The following MYRIP variants were observed in gnomAD, a reference collection of about 807,000 sequenced individuals.
MYRIP encodes the protein myosin VIIA and Rab interacting protein.
MYRIP carries 49 observed loss-of-function variants against 98.0 expected under a neutral mutation model. That is an observed-to-expected ratio of 0.50 (90% CI 0.40 to 0.63). The LOEUF is 0.63. Ranked by LOEUF, MYRIP falls within the 30% of genes least tolerant of loss-of-function variation. MYRIP has a pLI of 0.00. For synonymous variants in MYRIP, 404 were observed against 409.5 expected, an observed-to-expected ratio of 0.99 and a Z score of 0.16; for missense variants, 1,004 against 1,058.2, an observed-to-expected ratio of 0.95 and a Z score of 0.71.
chr3:40,138,556 TA>T (rs1949829946), intron 3 of MYRIP, among the ~76,000 whole-genome samples: 1 of 152,232 alleles, frequency 6.6e-6, no homozygotes, highest in Admixed American at 6.5e-5. Flanking sequence ...ATCTAGTTTT[TA>T]AAAACTATTT....
intron 3 of MYRIP, among the ~76,000 whole-genome samples, chr3:40,073,364 C>A (rs150660231): frequency 1.3e-5 from 2 of 152,200 alleles, no homozygotes; most frequent in South Asian, 4.1e-4. Flanking sequence ...TTCTGCACTG[C>A]GGGTTTTTAT....
intron 1 of MYRIP, among the ~76,000 whole-genome samples, chr3:39,862,532 A>G (rs1209788097): frequency 3.3e-5 from 5 of 152,204 alleles, no homozygotes; most frequent in Non-Finnish European, 1.5e-5. Flanking sequence ...AAGCCACTAA[A>G]GACAAAAAAG....
intron 3 of MYRIP, among the ~76,000 whole-genome samples, chr3:40,080,622 A>G (rs2125869279): frequency 6.6e-6 from 1 of 152,012 alleles, no homozygotes; most frequent in Middle Eastern, 3.4e-3. Context: ...ATATCATCTT[A>G]TTCTCTAAGT....
At chr3:40,023,986 A>T (rs1462504549) in intron 2 of MYRIP, among the ~76,000 whole-genome samples, 1 of 152,206 alleles carries the variant, frequency 6.6e-6, no homozygotes, top group African/African-American at 2.4e-5. Flanking sequence ...GTTTTCTCTA[A>T]GATTAATGTG....
At chr3:39,888,412 A>T (rs13068045) in intron 1 of MYRIP, among the ~76,000 whole-genome samples, 2,608 of 151,986 alleles carry the variant, frequency 0.017, 37 homozygotes, top group Non-Finnish European at 0.027. Flanking sequence ...AAACCTGAGA[A>T]AAACAAGCAA....
At chr3:40,086,015 T>C (rs2125877473) in intron 3 of MYRIP, among the ~76,000 whole-genome samples, 1 of 151,972 alleles carries the variant, frequency 6.6e-6, no homozygotes, top group East Asian at 1.9e-4. Context: ...GAGCAACCAC[T>C]ACAGAAAGTA....
chr3:39,947,166 A>G (rs1559532363), intron 2 of MYRIP, among the ~76,000 whole-genome samples: 2 of 152,302 alleles, frequency 1.3e-5, no homozygotes, highest in South Asian at 2.1e-4. Context: ...CAGGTCAAAC[A>G]GACAAAAAGC....
rs138999654 is a variant in MYRIP at position 39,836,227 on chromosome 3, C to G, written c.-31+26311C>G. On this transcript the variant is annotated intron_variant, in intron 1 of 16. Coordinates refer to ENST00000302541, the MANE Select transcript of MYRIP (RefSeq NM_015460.4). ...TCTCACCAACAGTGTAAAAGTGTTC[C>G]TCTTTCTCCACATCCTCTCCAGCAT... is the stretch of plus-strand genomic sequence containing the variant. Among the ~76,000 whole-genome samples the G allele has an allele frequency of 1.4e-3, 215 of 152,310 alleles. 3 individuals are homozygous for G. In the East Asian group the frequency reaches 0.018, roughly 13 times the overall value.
intron 3 of MYRIP, among the ~76,000 whole-genome samples, chr3:40,139,746 A>G (rs1406445257): frequency 6.6e-6 from 1 of 151,858 alleles, no homozygotes; most frequent in Non-Finnish European, 1.5e-5. Context: ...CACCCAGTTA[A>G]TTTTTGTATT....
intron 2 of MYRIP, among the ~76,000 whole-genome samples, chr3:39,927,261 T>G (rs555676804): frequency 6.6e-6 from 1 of 152,166 alleles, no homozygotes; most frequent in South Asian, 2.1e-4. Flanking sequence ...ATAGAATCAT[T>G]GTCAGTGAAG....
At chr3:39,896,558 G>GT (rs1157363781) in intron 1 of MYRIP, among the ~76,000 whole-genome samples, 27 of 152,122 alleles carry the variant, frequency 1.8e-4, no homozygotes, top group African/African-American at 6.5e-4. Flanking sequence ...TAACATTTAG[G>GT]TTTCTCTATA....
At chr3:40,158,439 G>C (rs1489292197) in intron 4 of MYRIP, among the ~76,000 whole-genome samples, 1 of 152,112 alleles carries the variant, frequency 6.6e-6, no homozygotes, top group Non-Finnish European at 1.5e-5. Context: ...TTTGGAATAG[G>C]TGTGGTGTGG....
chr3:40,020,290 T>C (rs1946962585), intron 2 of MYRIP, among the ~76,000 whole-genome samples: 1 of 142,576 alleles, frequency 7.0e-6, no homozygotes. Context: ...TTAATACCAA[T>C]TTATTCTTAC....
At chr3:39,958,515 T>C (rs1191759482) in intron 2 of MYRIP, among the ~76,000 whole-genome samples, 1 of 152,154 alleles carries the variant, frequency 6.6e-6, no homozygotes, top group African/African-American at 2.4e-5. Context: ...TTATACCTTA[T>C]ACAAAAATTA....
intron 2 of MYRIP, among the ~76,000 whole-genome samples, chr3:39,998,885 C>T (rs1283750757): frequency 6.6e-6 from 1 of 152,186 alleles, no homozygotes; most frequent in Non-Finnish European, 1.5e-5. Flanking sequence ...ATATCTACAA[C>T]CATCTGATCT....
intron 2 of MYRIP, among the ~76,000 whole-genome samples, chr3:39,985,996 G>A (rs1296472073): frequency 6.6e-6 from 1 of 152,132 alleles, no homozygotes; most frequent in Non-Finnish European, 1.5e-5. Flanking sequence ...CACAGCAAAA[G>A]AAACTACCAT....
chr3:40,129,485 CCTCCGAA>C (rs1428665605), intron 3 of MYRIP, among the ~76,000 whole-genome samples: 1 of 118,786 alleles, frequency 8.4e-6, no homozygotes, highest in Non-Finnish European at 1.9e-5. Context: ...AATCATGCCA[CCTCCGAA>C]AACACCCAGC....
At chr3:40,242,260 GTCA>G (rs532395479) in intron 12 of MYRIP, 4 of 151,848 alleles carry the variant, frequency 2.6e-5, no homozygotes, top group East Asian at 1.9e-4. Context: ...AATTAATGCT[GTCA>G]TCATCATCAT....
At chr3:39,886,269 A>G in intron 1 of MYRIP, among the ~76,000 whole-genome samples, 1 of 152,080 alleles carries the variant, frequency 6.6e-6, no homozygotes, top group African/African-American at 2.4e-5. Flanking sequence ...ACTAGGAAGA[A>G]ACTGCATCAA....
Sources: gnomAD v4.1 joint callset for allele counts (sites outside exome capture counted in the v4.1 genomes callset) on GRCh38, gnomAD v4.1.1 for gene constraint, MANE v1.5 for transcripts, NCBI Gene and HGNC (gene_info 2026-07-23, HGNC 2026-07-21) for gene names.